ABCA13: variants seen among roughly 807,000 people sequenced by gnomAD.
ABCA13 encodes the protein ATP-binding cassette sub-family A member 13.
ABCA13 carries 476 observed loss-of-function variants against 478.7 expected under a neutral mutation model. The ratio of observed to expected loss-of-function variants is 0.99; its 90% CI spans 0.92 to 1.07. The LOEUF is 1.07. Ranked by LOEUF, ABCA13 falls within the 50% of genes least tolerant of loss-of-function variation. ABCA13 has a pLI of 0.00. For synonymous variants in ABCA13, 2,252 were observed against 2,158.9 expected, an observed-to-expected ratio of 1.04 and a Z score of -1.20; for missense variants, 6,060 against 5,910.6, an observed-to-expected ratio of 1.03 and a Z score of -0.83.
rs776794966 is a variant in ABCA13 at position 48,278,720 on chromosome 7, G to A, written c.7526G>A (p.Ser2509Asn). The A allele has an allele frequency of 6.2e-7, 1 of 1,613,972 alleles. No individual in the cohort carries two copies. The highest frequency in any genetic ancestry group is 2.2e-5 in the East Asian group (1 of 44,868). Reference sequence around the variant, plus strand: ...ACTCTGGTCATGCTGTTGAATGACAGTGCTGACCTGAGAGATCTTGCCACA... The same window carrying A: ...ACTCTGGTCATGCTGTTGAATGACAATGCTGACCTGAGAGATCTTGCCACA... ...SGTLVMLLND[S>N]ADLRDLATSM... The change falls in exon 18 of 62, where the codon AGT becomes AAT. Residue 2509 changes from serine to asparagine, a missense_variant. Around this residue, in one of 3 missense-constraint regions of ABCA13, gnomAD observed 4,423 missense variants for 4,309.1 expected, o/e 1.03. Transcript: ENST00000435803.
intron 55 of ABCA13, among the ~76,000 whole-genome samples, chr7:48,561,831 G>GT (rs35247995): frequency 0.14 from 20,922 of 150,582 alleles, 1,802 homozygotes; most frequent in African/African-American, 0.23. Context: ...TTTCTCCTAT[G>GT]TTTTTTTTTC....
At chr7:48,435,708 A>G (rs1482221152) in intron 42 of ABCA13, among the ~76,000 whole-genome samples, 1 of 151,636 alleles carries the variant, frequency 6.6e-6, no homozygotes, top group Non-Finnish European at 1.5e-5. Flanking sequence ...TAGTTTGTTA[A>G]GTGTTTTTAT....
intron 36 of ABCA13, among the ~76,000 whole-genome samples, chr7:48,388,494 A>T (rs1815530591): frequency 6.6e-6 from 1 of 152,196 alleles, no homozygotes; most frequent in Non-Finnish European, 1.5e-5. Context: ...CTGCAGGTGC[A>T]GGCACAGGGC....
chr7:48,612,537 T>C (rs1792128724), intron 58 of ABCA13, among the ~76,000 whole-genome samples: 2 of 152,224 alleles, frequency 1.3e-5, no homozygotes, highest in African/African-American at 4.8e-5. Context: ...ATACACATTG[T>C]CATTTTACCA....
chr7:48,615,050 AAAAT>A lies in ABCA13; in HGVS notation c.14745-223_14745-220del, dbSNP rs931603881. Reference sequence around the variant, plus strand: ...TAAAGTATAATAATAATAAAATAAAAAAATAAATAAATAAAAAAGAAAATACTGA... The same window carrying A: ...TAAAGTATAATAATAATAAAATAAAAAAATAAATAAAAAAGAAAATACTGA... On this transcript the variant is annotated intron_variant, in intron 58 of 61. Transcript: ENST00000435803. Among the ~76,000 whole-genome samples, 59 of 151,094 alleles carry A rather than the reference AAAAT, an allele frequency of 3.9e-4. 2 individuals are homozygous for A. Among genetic ancestry groups the A allele is most frequent in the African/African-American group, 6.3e-4 (26 of 41,450 alleles).
chr7:48,434,245 G>A lies in ABCA13; in HGVS notation c.12565+6374G>A, dbSNP rs551255325. Among the ~76,000 whole-genome samples the A allele has an allele frequency of 5.3e-5, 8 of 152,022 alleles. No individual in the cohort carries two copies. The East Asian group carries it at 1.5e-3, about 29-fold the overall frequency. On this transcript the variant is annotated intron_variant, in intron 42 of 61. Transcript: ENST00000435803. ...TGGTATCTCACTGTGGTTTTGATTT[G>A]CATTTCCCTAAGGACTAGTAATGTT...
intron 31 of ABCA13, 86 bp downstream of exon 31, chr7:48,352,573 G>A: frequency 2.1e-6 from 3 of 1,400,142 alleles, no homozygotes; most frequent in East Asian, 2.5e-5. Flanking sequence ...TTTTTCTATG[G>A]TTATTTCAAA....
intron 55 of ABCA13, among the ~76,000 whole-genome samples, chr7:48,549,943 T>G (rs2131185587): frequency 6.6e-6 from 1 of 152,036 alleles, no homozygotes; most frequent in Non-Finnish European, 1.5e-5. Context: ...TTTAAGTTCC[T>G]TGAAAATTCT....
At chr7:48,407,232 G>A (rs1818381742) in intron 39 of ABCA13, among the ~76,000 whole-genome samples, 1 of 152,096 alleles carries the variant, frequency 6.6e-6, no homozygotes, top group African/African-American at 2.4e-5. Flanking sequence ...CCAGCACTTT[G>A]GGCGGCCGAG....
In ABCA13 at chr7:48,278,864, C is replaced by G. The variant is rs919833346; in HGVS notation, c.7670C>G (p.Thr2557Ser). The change falls in exon 18 of 62, where the codon ACT (threonine) becomes AGT (serine). Residue 2557 changes from threonine to serine, a missense_variant. Around this residue, in one of 3 missense-constraint regions of ABCA13, gnomAD observed 4,423 missense variants for 4,309.1 expected, o/e 1.03. Transcript: ENST00000435803. Reference protein sequence around the residue: ...NTKDSVKFFDTLYSIMQQSVQ... With the variant: ...NTKDSVKFFDSLYSIMQQSVQ... ...AAGGACAGTGTGAAATTCTTTGACA[C>G]TCTGTATTCCATCATGCAACAAAGT... The G allele has an allele frequency of 6.2e-7, 1 of 1,613,466 alleles. No individual in the cohort carries two copies. Among genetic ancestry groups the G allele is most frequent in the Non-Finnish European group, 8.5e-7 (1 of 1,179,872 alleles).
intron 43 of ABCA13, among the ~76,000 whole-genome samples, chr7:48,465,719 T>C (rs2130127664): frequency 6.6e-6 from 1 of 152,230 alleles, no homozygotes; most frequent in South Asian, 2.1e-4. Context: ...TTCTAGCTGT[T>C]TTGAAAATAG....
rs1393766998 is a variant in ABCA13 at position 48,644,604 on chromosome 7, T to C, written c.14944-13T>C. 2.2e-5 allele frequency: 34 copies of C among 1,575,740 alleles called. No individual in the cohort carries two copies. The highest frequency in any genetic ancestry group is 2.8e-5 in the Non-Finnish European group (33 of 1,166,982). Reference sequence around the variant, plus strand: ...TTATATGATACTTTTTTTTTTTTTTTTTTTGCTTTTAGGGACAGCACCTGA... The same window carrying C: ...TTATATGATACTTTTTTTTTTTTTTCTTTTGCTTTTAGGGACAGCACCTGA... On this transcript the variant is annotated splice_polypyrimidine_tract_variant and intron_variant, in intron 60 of 61. Coordinates refer to ENST00000435803, the MANE Select transcript of ABCA13 (RefSeq NM_152701.5).
intron 3 of ABCA13, among the ~76,000 whole-genome samples, chr7:48,211,495 C>A (rs1199356747): frequency 6.6e-6 from 1 of 152,222 alleles, no homozygotes; most frequent in African/African-American, 2.4e-5. Context: ...TCTTTCCACA[C>A]TGGGCTGCCT....
Position 48,566,926 on chromosome 7 carries a change from G to A in ABCA13, c.14355-13298G>A, listed in dbSNP as rs564624349. On this transcript the variant is annotated intron_variant, in intron 55 of 61. Coordinates refer to ENST00000435803, the MANE Select transcript of ABCA13 (RefSeq NM_152701.5). ...GTTTAGCACACTCTGGATCTTCTCC[G>A]CAAACATTCTACCGAACTACTTATA... Among the ~76,000 whole-genome samples the A allele has an allele frequency of 5.3e-4, 81 of 152,214 alleles. 1 individual carries two copies. In the Middle Eastern group the frequency reaches 0.01, roughly 19 times the overall value.
At chr7:48,368,760 T>TAC (rs1157748114) in intron 32 of ABCA13, among the ~76,000 whole-genome samples, 1 of 126,004 alleles carries the variant, frequency 7.9e-6, no homozygotes, top group Non-Finnish European at 1.7e-5. Flanking sequence ...TATATATATA[T>TAC]ACACACATAT....
intron 16 of ABCA13, 60 bp from the exon 17 acceptor site, chr7:48,271,727 A>G: frequency 9.2e-7 from 1 of 1,083,218 alleles, no homozygotes; most frequent in Non-Finnish European, 1.2e-6. Flanking sequence ...TAACTTGGAA[A>G]TTTGATAAAT....
intron 6 of ABCA13, 133 bp from the exon 7 acceptor site, chr7:48,229,692 A>G (rs901708909): frequency 3.0e-6 from 3 of 1,000,808 alleles, no homozygotes; most frequent in African/African-American, 3.2e-5. Context: ...GAATGCTGAC[A>G]TGTAAATGGT....
chr7:48,480,223 A>G (rs1190581723), intron 45 of ABCA13, among the ~76,000 whole-genome samples: 24 of 151,722 alleles, frequency 1.6e-4, no homozygotes. Context: ...TATAACCCCC[A>G]CCAGTTTTAG....
At chr7:48,172,658 T>C (rs936454666) in intron 1 of ABCA13, among the ~76,000 whole-genome samples, 84 of 149,510 alleles carry the variant, frequency 5.6e-4, no homozygotes, top group African/African-American at 1.9e-3. Context: ...ATTAGCCGGG[T>C]GTGGTGGCGG....
Sources: gnomAD v4.1 joint callset for allele counts (sites outside exome capture counted in the v4.1 genomes callset) on GRCh38, gnomAD v4.1.1 for gene constraint, gnomAD v4.1.1 regional missense constraint, MANE v1.5 for transcripts, NCBI Gene and HGNC (gene_info 2026-07-23, HGNC 2026-07-21) for gene names.